Variants in KTN1 observed in about 807,000 individuals in gnomAD.
KTN1 encodes kinectin.
KTN1 carries 130 observed loss-of-function variants against 222.5 expected under a neutral mutation model. That is an observed-to-expected ratio of 0.58 (90% CI 0.51 to 0.68). KTN1 has a LOEUF of 0.68. Ranked by LOEUF, KTN1 falls within the 30% of genes least tolerant of loss-of-function variation. The pLI is 0.00. For synonymous variants in KTN1, 512 were observed against 496.3 expected, an observed-to-expected ratio of 1.03 and a Z score of -0.42; for missense variants, 1,508 against 1,500.4, an observed-to-expected ratio of 1.01 and a Z score of -0.08.
chr14:55,665,887 G>A (rs761218018), intron 33 of KTN1, among the ~76,000 whole-genome samples: 21 of 151,816 alleles, frequency 1.4e-4, no homozygotes, highest in Non-Finnish European at 2.2e-4. Flanking sequence ...GTGGCTCTTG[G>A]TTATGTTAGA....
chr14:55,609,226 G>A (rs972179194), intron 1 of KTN1, among the ~76,000 whole-genome samples: 5 of 152,034 alleles, frequency 3.3e-5, no homozygotes, highest in African/African-American at 1.2e-4. Context: ...GTTCCACTCC[G>A]ACTTATGAGT....
At chr14:55,658,692 C>T in intron 30 of KTN1, 78 bp downstream of exon 30, 8 of 806,808 alleles carry the variant, frequency 9.9e-6, no homozygotes, top group East Asian at 5.2e-5. Context: ...AGTATTTTTG[C>T]CATTTCTGCA....
chr14:55,632,584 T>G (rs1048505421), intron 7 of KTN1, among the ~76,000 whole-genome samples: 1 of 132,260 alleles, frequency 7.6e-6, no homozygotes, highest in Non-Finnish European at 1.7e-5. Context: ...TTTTACACAA[T>G]GAAGAGAGTT....
At chr14:55,680,608 A>G in intron 43 of KTN1, 1 of 755,002 alleles carries the variant, frequency 1.3e-6, no homozygotes, top group Non-Finnish European at 2.2e-6. Context: ...ACAAGGCCTC[A>G]GGGAGAGCTT....
intron 43 of KTN1, chr14:55,682,693 T>G (rs1179896377): frequency 6.6e-6 from 1 of 152,186 alleles, no homozygotes. Flanking sequence ...ATTCTATAAC[T>G]TGTCCAAGGT....
intron 28 of KTN1, 98 bp from the exon 29 acceptor site, chr14:55,655,944 T>A (rs1220129108): frequency 3.2e-6 from 2 of 627,936 alleles, no homozygotes; most frequent in Non-Finnish European, 5.5e-6. Flanking sequence ...AGCTGGTATG[T>A]ATTGTTTCTG....
chr14:55,656,400 T>C (rs185826567), intron 29 of KTN1: 18 of 324,792 alleles, frequency 5.5e-5, no homozygotes, highest in African/African-American at 2.8e-4. Flanking sequence ...TCAAGATCTT[T>C]CCATATAAAG....
At chr14:55,634,962 G>T (rs1189947231) in intron 9 of KTN1, among the ~76,000 whole-genome samples, 2 of 152,072 alleles carry the variant, frequency 1.3e-5, no homozygotes, top group Non-Finnish European at 2.9e-5. Flanking sequence ...CAGCATGGGG[G>T]AAACCATGCC....
intron 6 of KTN1, among the ~76,000 whole-genome samples, chr14:55,629,664 A>C (rs1295456245): frequency 6.6e-6 from 1 of 152,200 alleles, no homozygotes; most frequent in African/African-American, 2.4e-5. Context: ...GTTAGAATGT[A>C]GGATTTATTC....
chr14:55,649,748 A>G, intron 21 of KTN1, 28 bp from the exon 22 acceptor site: 1 of 1,361,710 alleles, frequency 7.3e-7, no homozygotes, highest in Non-Finnish European at 1.0e-6. Flanking sequence ...TGAACAAATT[A>G]CTAAGTAGGA....
At chr14:55,678,211 A>C in intron 41 of KTN1, 141 bp from the exon 42 acceptor site, 1 of 586,702 alleles carries the variant, frequency 1.7e-6, no homozygotes, top group South Asian at 2.3e-5. Context: ...TGGGGGGTGA[A>C]GCTATTTTCA....
intron 18 of KTN1, among the ~76,000 whole-genome samples, chr14:55,642,944 C>G (rs1299261835): frequency 6.6e-6 from 1 of 150,620 alleles, no homozygotes; most frequent in Non-Finnish European, 1.5e-5. Context: ...GAGTCTTCCT[C>G]TGTTGCCCAG....
chr14:55,639,057 G>A, intron 12 of KTN1, 128 bp from the exon 13 acceptor site: 1 of 599,228 alleles, frequency 1.7e-6, no homozygotes, highest in South Asian at 2.6e-5. Flanking sequence ...CACTTACCAT[G>A]GGCCAGATAC....
At chr14:55,628,653 A>G (rs140772934) in intron 6 of KTN1, among the ~76,000 whole-genome samples, 97 of 152,328 alleles carry the variant, frequency 6.4e-4, no homozygotes, top group African/African-American at 2.2e-3. Flanking sequence ...TCACCTAGCC[A>G]CTTGATGACA....
intron 27 of KTN1, 80 bp from the exon 28 acceptor site, chr14:55,653,479 G>C (rs1057233719): frequency 5.8e-6 from 6 of 1,036,920 alleles, no homozygotes; most frequent in African/African-American, 3.2e-5. Flanking sequence ...TTATTGGTGG[G>C]TGATTCCATA....
chr14:55,653,257 A>T lies in KTN1; in HGVS notation c.2763+172A>T, dbSNP rs535521697. Among the ~76,000 whole-genome samples, 3 of 152,298 alleles carry T rather than the reference A, an allele frequency of 2.0e-5. No individual in the cohort carries two copies. In the South Asian group the frequency reaches 6.2e-4, roughly 32 times the overall value. On this transcript the variant is annotated intron_variant, in intron 27 of 43. Coordinates refer to ENST00000395314, the MANE Select transcript of KTN1 (RefSeq NM_001079521.2). ...TTAGCTTTTATTTCTGGCAAGTCAT[A>T]CTTAACTGCTTAATCTGTCAACCTG...
At chr14:55,648,382 C>G (rs373023301) in intron 20 of KTN1, among the ~76,000 whole-genome samples, 2 of 152,286 alleles carry the variant, frequency 1.3e-5, no homozygotes, top group East Asian at 1.9e-4. Context: ...AACTAGCAGA[C>G]TTAATTCATG....
intron 32 of KTN1, 45 bp downstream of exon 32, chr14:55,661,657 T>C (rs374765892): frequency 2.0e-6 from 2 of 1,002,878 alleles, no homozygotes; most frequent in East Asian, 4.9e-5. Context: ...TTTATTACTT[T>C]AACACTGAAA....
chr14:55,677,626 C>T (rs1055834226), intron 41 of KTN1, among the ~76,000 whole-genome samples: 3 of 151,908 alleles, frequency 2.0e-5, no homozygotes, highest in African/African-American at 7.3e-5. Context: ...AATCCCAAAG[C>T]TTTTTTAGGG....
Sources: gnomAD v4.1 joint callset for allele counts (sites outside exome capture counted in the v4.1 genomes callset) on GRCh38, gnomAD v4.1.1 for gene constraint, MANE v1.5 for transcripts, NCBI Gene and HGNC (gene_info 2026-07-23, HGNC 2026-07-21) for gene names.